The following AFF2 variants were observed in gnomAD, a reference collection of about 807,000 sequenced individuals.
AFF2 encodes the protein AF4/FMR2 family member 2.
Under a neutral mutation model 76.9 loss-of-function variants are expected in AFF2, and 14 were observed. That is an observed-to-expected ratio of 0.18 (90% CI 0.12 to 0.28). The LOEUF is 0.28. AFF2 is among the 10% of genes least tolerant of loss of function. The probability of loss-of-function intolerance (pLI) is 1.00; values close to 1 mark genes in which losing one functional copy is unlikely to be tolerated. For synonymous variants in AFF2, 398 were observed against 366.7 expected (o/e 1.09, Z -0.98); for missense variants, 868 against 1,001.1 (o/e 0.87, Z 1.79).
chrX:148,638,733 TAAAC>T (rs1314171524), intron 1 of AFF2, among the ~76,000 whole-genome samples: 1 of 110,426 alleles, frequency 9.1e-6, no homozygotes, highest in East Asian at 2.9e-4. Context: ...GCCACACACT[TAAAC>T]AACCAGATCT....
chrX:148,786,249 A>G (rs2069819448), intron 3 of AFF2, among the ~76,000 whole-genome samples: 1 of 111,480 alleles, frequency 9.0e-6, no homozygotes, highest in South Asian at 3.8e-4. Context: ...CCCTCCTGCC[A>G]TTGAGTATTG....
chrX:148,975,286 G>A (rs782389134), intron 16 of AFF2, among the ~76,000 whole-genome samples: 20 of 111,773 alleles, frequency 1.8e-4, no homozygotes, highest in Middle Eastern at 9.2e-3. Flanking sequence ...ACAAGTAATC[G>A]GTATGATGTT....
intron 9 of AFF2, among the ~76,000 whole-genome samples, chrX:148,905,304 A>G (rs2071396017): frequency 8.9e-6 from 1 of 112,283 alleles, no homozygotes; most frequent in Non-Finnish European, 1.9e-5. Context: ...AATATTCCCT[A>G]TCAGGCTCTG....
intron 1 of AFF2, among the ~76,000 whole-genome samples, chrX:148,636,667 T>C (rs1480702431): frequency 2.7e-5 from 3 of 112,123 alleles, no homozygotes; most frequent in Non-Finnish European, 5.6e-5. Flanking sequence ...TTTTGATAGA[T>C]TGGCTAGCAA....
intron 1 of AFF2, among the ~76,000 whole-genome samples, chrX:148,559,286 T>A (rs1325813212): frequency 1.8e-5 from 2 of 111,798 alleles, no homozygotes; most frequent in Non-Finnish European, 3.8e-5. Context: ...GATTTTTTTT[T>A]AAACTTTAAG....
At chrX:148,522,581 T>C (rs7058978) in intron 1 of AFF2, among the ~76,000 whole-genome samples, 10,321 of 111,686 alleles carry the variant, frequency 0.092, 710 homozygotes, top group African/African-American at 0.25. Context: ...TAGGTCTGCA[T>C]TGAGTGGGAG....
chrX:148,540,335 C>G (rs1284058062), intron 1 of AFF2, among the ~76,000 whole-genome samples: 1 of 109,509 alleles, frequency 9.1e-6, no homozygotes, highest in Admixed American at 9.8e-5. Context: ...CTGAAATGAG[C>G]TGCAGGCCAG....
In AFF2 at chrX:148,500,965, C is replaced by T; in HGVS notation, c.-133C>T. On this transcript the variant is annotated 5_prime_UTR_variant, in exon 1 of 21. Transcript: ENST00000370460. The stretch of plus-strand genomic sequence containing the variant: ...GCCCGCTGCTGCTGCCGATGCGGCC[C>T]GGACACTTTTAGCTGGGCGGGAGGG... 2.5e-6 allele frequency: 2 copies of T among 807,915 alleles called. No individual in the cohort carries two copies. Among genetic ancestry groups the T allele is most frequent in the Non-Finnish European group, 3.4e-6 (2 of 589,672 alleles). The allele number at this position is 807,915 out of a possible 1,213,427, so 66.6% of individuals were successfully genotyped here.
intron 9 of AFF2, among the ~76,000 whole-genome samples, chrX:148,941,820 C>T (rs978666232): frequency 1.8e-5 from 2 of 110,485 alleles, no homozygotes; most frequent in Non-Finnish European, 3.8e-5. Flanking sequence ...TTTTGTGTTC[C>T]ATAGGCTGGC....
chrX:148,554,030 G>T (rs1256768688), intron 1 of AFF2, among the ~76,000 whole-genome samples: 1 of 111,688 alleles, frequency 9.0e-6, no homozygotes, highest in Non-Finnish European at 1.9e-5. Flanking sequence ...ATAGAGTGTG[G>T]GTTAACTGTC....
chrX:148,602,158 A>G (rs2053632335), intron 1 of AFF2, among the ~76,000 whole-genome samples: 1 of 112,041 alleles, frequency 8.9e-6, no homozygotes, highest in Non-Finnish European at 1.9e-5. Flanking sequence ...CTAAGTGTAT[A>G]GCAAATGCAA....
rs982296171 is a variant in AFF2 at position 148,997,335 on chromosome X, A to C, written c.*6003A>C. 9.0e-6 allele frequency: 1 copy of C among 111,002 alleles called. No individual in the cohort carries two copies. Among genetic ancestry groups the C allele is most frequent in the South Asian group, 3.7e-4 (1 of 2,672 alleles). The allele number at this position is 111,002 out of a possible 1,213,427, so 9.1% of individuals were successfully genotyped here. On this transcript the variant is annotated 3_prime_UTR_variant, in exon 21 of 21. Coordinates refer to ENST00000370460, the MANE Select transcript of AFF2 (RefSeq NM_002025.4). ...CACACATACACTTTTTAAATTTTTA[A>C]ATTAGGCCTCCACACATAAATCATT...
At chrX:148,598,781 G>A (rs1231599706) in intron 1 of AFF2, among the ~76,000 whole-genome samples, 1 of 112,289 alleles carries the variant, frequency 8.9e-6, no homozygotes, top group Non-Finnish European at 1.9e-5. Context: ...TGTCTTGAAC[G>A]ATTTCGTTCT....
At chrX:148,935,689 C>T (rs192306070) in intron 9 of AFF2, among the ~76,000 whole-genome samples, 202 of 111,584 alleles carry the variant, frequency 1.8e-3, no homozygotes, top group South Asian at 0.016. Flanking sequence ...CTCTCCAGCT[C>T]TGCTCCTGCC....
chrX:148,938,660 T>G (rs2071799846), intron 9 of AFF2, among the ~76,000 whole-genome samples: 1 of 112,205 alleles, frequency 8.9e-6, no homozygotes, highest in South Asian at 3.7e-4. Flanking sequence ...AAGCATTGAT[T>G]AAAATATCTT....
chrX:148,598,621 G>A (rs1264935068), intron 1 of AFF2, among the ~76,000 whole-genome samples: 1 of 111,643 alleles, frequency 9.0e-6, no homozygotes, highest in African/African-American at 3.3e-5. Context: ...AACGGTGTTA[G>A]AGCAGGGGTC....
At chrX:148,900,066 G>A (rs2071338231) in intron 8 of AFF2, among the ~76,000 whole-genome samples, 1 of 110,537 alleles carries the variant, frequency 9.0e-6, no homozygotes, top group African/African-American at 3.3e-5. Flanking sequence ...AATTAATTGA[G>A]TATAATCTCT....
At chrX:148,757,324 G>A (rs1208785066) in intron 3 of AFF2, among the ~76,000 whole-genome samples, 2 of 111,589 alleles carry the variant, frequency 1.8e-5, no homozygotes, top group Non-Finnish European at 3.8e-5. Flanking sequence ...GGTCTTTCGC[G>A]GGAAAGTTTG....
At chrX:148,911,239 A>G (rs781805737) in intron 9 of AFF2, among the ~76,000 whole-genome samples, 1 of 110,922 alleles carries the variant, frequency 9.0e-6, no homozygotes, top group African/African-American at 3.3e-5. Context: ...ACATCATTAG[A>G]GTTTAAAAAA....
Sources: allele counts gnomAD v4.1 joint callset (sites outside exome capture counted in the v4.1 genomes callset), GRCh38; gene constraint gnomAD v4.1.1; transcripts MANE v1.5; gene names NCBI Gene and HGNC (gene_info 2026-07-23, HGNC 2026-07-21).